The following TSPAN18 variants were observed in gnomAD, a reference collection of about 807,000 sequenced individuals.
The protein encoded by TSPAN18 is tetraspanin 18, also known as tetraspanin-18.
TSPAN18 carries 14 observed loss-of-function variants against 27.3 expected under a neutral mutation model. The ratio of observed to expected loss-of-function variants is 0.51; its 90% CI spans 0.34 to 0.80. The LOEUF is 0.80. TSPAN18 is among the 30% of genes least tolerant of loss of function. TSPAN18 has a pLI of 0.01. For synonymous variants in TSPAN18, 143 were observed against 136.5 expected, an observed-to-expected ratio of 1.05 and a Z score of -0.33; for missense variants, 268 against 323.9, an observed-to-expected ratio of 0.83 and a Z score of 1.32.
intron 3 of TSPAN18, among the ~76,000 whole-genome samples, chr11:44,898,840 A>C (rs1859156878): frequency 6.6e-6 from 1 of 152,228 alleles, no homozygotes; most frequent in Non-Finnish European, 1.5e-5. Context: ...ATTATGTTAC[A>C]TCTGGTATTA....
chr11:44,927,321 T>C (rs1860399335), intron 9 of TSPAN18, among the ~76,000 whole-genome samples: 1 of 152,220 alleles, frequency 6.6e-6, no homozygotes, highest in Non-Finnish European at 1.5e-5. Flanking sequence ...TTCTGTCCTC[T>C]GGGATCTCCA....
intron 5 of TSPAN18, chr11:44,917,658 C>T (rs1488376501): frequency 7.7e-6 from 2 of 259,138 alleles, no homozygotes; most frequent in Non-Finnish European, 1.5e-5. Flanking sequence ...GTTTCATCAG[C>T]GATCTCCTTC....
At chr11:44,914,763 T>C (rs1309981885) in intron 5 of TSPAN18, among the ~76,000 whole-genome samples, 2 of 152,166 alleles carry the variant, frequency 1.3e-5, no homozygotes, top group Non-Finnish European at 2.9e-5. Flanking sequence ...ATAGCATCTG[T>C]CTCACTAGAT....
chr11:44,750,998 C>T (rs1431223996), intron 1 of TSPAN18, among the ~76,000 whole-genome samples: 1 of 152,164 alleles, frequency 6.6e-6, no homozygotes, highest in Non-Finnish European at 1.5e-5. Context: ...AGGTAATAAA[C>T]CAATTCTTTA....
chr11:44,727,101 G>T lies in TSPAN18; in HGVS notation c.-426G>T, dbSNP rs1183857969. On this transcript the variant is annotated 5_prime_UTR_variant, in exon 1 of 10. Transcript: ENST00000520358. ...CGGCCCCGGCCCCGGCCCCGGCCCC[G>T]GCCCCGGTCCCGGCCCCGAGCCCCG... 3.1e-5 allele frequency: 4 copies of T among 129,706 alleles called. No homozygotes were observed. The East Asian group carries it at 9.2e-4, about 30-fold the overall frequency. 8.0% of individuals were successfully genotyped at this position (129,706 alleles called of 1,614,324 possible).
chr11:44,872,341 TG>T (rs1184145741), intron 3 of TSPAN18, among the ~76,000 whole-genome samples: 1 of 152,218 alleles, frequency 6.6e-6, no homozygotes, highest in Non-Finnish European at 1.5e-5. Flanking sequence ...GAAGTCACGT[TG>T]GGGGTTAGGG....
intron 8 of TSPAN18, among the ~76,000 whole-genome samples, chr11:44,920,649 ACT>A (rs966580777): frequency 1.3e-5 from 2 of 151,568 alleles, no homozygotes; most frequent in Non-Finnish European, 2.9e-5. Context: ...ACCAGCCCCC[ACT>A]CTGCCAGTGT....
In TSPAN18 at chr11:44,846,606, T is replaced by TGTGTGTGTGTGTG. The variant is rs576341145; in HGVS notation, c.-152-13722_-152-13721insGTGTGTGTGTGTG. ...CAAGAGGCTGTCTGTGTGTGTGTGT[T>TGTGTGTGTGTGTG]TGTGTGTGTGTCTATGTGTCTATGT... On this transcript the variant is annotated intron_variant, in intron 2 of 9. Coordinates refer to ENST00000520358, the MANE Select transcript of TSPAN18 (RefSeq NM_130783.5). 1.7e-3 allele frequency among the ~76,000 whole-genome samples: 264 copies of TGTGTGTGTGTGTG among 151,226 alleles called. 1 individual carries two copies. The highest frequency in any genetic ancestry group is 5.5e-3 in the African/African-American group (227 of 41,286).
At chr11:44,879,066 C>T (rs12420901) in intron 3 of TSPAN18, among the ~76,000 whole-genome samples, 36,687 of 152,210 alleles carry the variant, frequency 0.24, 5,576 homozygotes, top group East Asian at 0.56. Context: ...ATGCTCTGCC[C>T]TTGCCATCTT....
intron 9 of TSPAN18, among the ~76,000 whole-genome samples, chr11:44,927,546 G>A (rs531884268): frequency 1.8e-4 from 27 of 152,316 alleles, no homozygotes; most frequent in African/African-American, 4.3e-4. Context: ...TGCCTGCAGC[G>A]CCACGGAGTG....
chr11:44,925,501 T>C (rs1860318847), intron 8 of TSPAN18, among the ~76,000 whole-genome samples: 1 of 152,204 alleles, frequency 6.6e-6, no homozygotes, highest in African/African-American at 2.4e-5. Flanking sequence ...ACCTGGCCAC[T>C]AGTCCCAGAT....
At chr11:44,872,346 G>C (rs1003058846) in intron 3 of TSPAN18, among the ~76,000 whole-genome samples, 1 of 152,178 alleles carries the variant, frequency 6.6e-6, no homozygotes, top group Non-Finnish European at 1.5e-5. Flanking sequence ...CACGTTGGGG[G>C]TTAGGGCATC....
At chr11:44,848,237 G>C (rs1162704232) in intron 2 of TSPAN18, among the ~76,000 whole-genome samples, 2 of 152,142 alleles carry the variant, frequency 1.3e-5, no homozygotes, top group Non-Finnish European at 2.9e-5. Flanking sequence ...CCTTGCCCCT[G>C]CCCTGATCCA....
rs143207933 is a variant in TSPAN18 at position 44,854,670 on chromosome 11, C to T, written c.-152-5658C>T. Among the ~76,000 whole-genome samples the T allele has an allele frequency of 1.1e-3, 168 of 152,292 alleles. 1 individual carries two copies. The highest frequency in any genetic ancestry group is 2.5e-3 in the South Asian group (12 of 4,822). On this transcript the variant is annotated intron_variant, in intron 2 of 9. Coordinates refer to ENST00000520358, the MANE Select transcript of TSPAN18 (RefSeq NM_130783.5). ...ACCCATTAGGACTGGATTTAATAACCTGATCCTGGACACTGTGGGGACCAA... is the reference window on the plus strand; with the variant it reads ...ACCCATTAGGACTGGATTTAATAACTTGATCCTGGACACTGTGGGGACCAA...
chr11:44,917,919 G>C (rs1021863000), intron 5 of TSPAN18, 53 bp from the exon 6 acceptor site: 1 of 1,572,814 alleles, frequency 6.4e-7, no homozygotes, highest in African/African-American at 1.4e-5. Flanking sequence ...GCCAGTGGCC[G>C]CCCCATCCCC....
intron 2 of TSPAN18, among the ~76,000 whole-genome samples, chr11:44,780,457 A>G (rs1855912635): frequency 6.6e-6 from 1 of 152,140 alleles, no homozygotes; most frequent in African/African-American, 2.4e-5. Context: ...TCCTCTGCTC[A>G]TTCATTCATT....
chr11:44,843,709 C>G (rs1412764172), intron 2 of TSPAN18, among the ~76,000 whole-genome samples: 1 of 152,196 alleles, frequency 6.6e-6, no homozygotes, highest in African/African-American at 2.4e-5. Context: ...TGCGCATTCT[C>G]TTTCTCAGGG....
intron 2 of TSPAN18, among the ~76,000 whole-genome samples, chr11:44,856,823 G>A (rs1478477443): frequency 6.6e-6 from 1 of 151,908 alleles, no homozygotes; most frequent in Non-Finnish European, 1.5e-5. Flanking sequence ...ACTTTCAACA[G>A]CTCTTCCTCC....
intron 8 of TSPAN18, among the ~76,000 whole-genome samples, chr11:44,923,322 G>A (rs955873327): frequency 6.6e-6 from 1 of 152,236 alleles, no homozygotes; most frequent in East Asian, 1.9e-4. Flanking sequence ...GGTGGGGGAT[G>A]TGCCCACCCA....
Sources: allele counts gnomAD v4.1 joint callset (sites outside exome capture counted in the v4.1 genomes callset), GRCh38; gene constraint gnomAD v4.1.1; transcripts MANE v1.5; gene names NCBI Gene and HGNC (gene_info 2026-07-23, HGNC 2026-07-21).